The following DPP10 variants were observed in gnomAD, a reference collection of about 807,000 sequenced individuals.
The protein encoded by DPP10 is inactive dipeptidyl peptidase 10.
Under a neutral mutation model 120.9 loss-of-function variants are expected in DPP10, and 33 were observed. That is an observed-to-expected ratio of 0.27 (90% CI 0.21 to 0.37). DPP10 has a LOEUF of 0.37. Ranked by LOEUF, DPP10 falls within the 10% of genes least tolerant of loss-of-function variation. The probability of loss-of-function intolerance (pLI) is 1.00; values close to 1 mark genes in which losing one functional copy is unlikely to be tolerated. For missense variants in DPP10, 816 were observed against 942.8 expected (o/e 0.87, Z 1.76); for synonymous variants, 337 against 326.1 (o/e 1.03, Z -0.36).
rs1041723617 is a variant in DPP10 at position 114,765,284 on chromosome 2, A to T, written c.60+322446A>T. Among the ~76,000 whole-genome samples the T allele has an allele frequency of 9.2e-5, 14 of 152,338 alleles. 2 individuals are homozygous for T. The Middle Eastern group carries it at 0.027, about 296-fold the overall frequency. On this transcript the variant is annotated intron_variant, in intron 1 of 25. Transcript: ENST00000410059. ...GTTGGGGAATGCATATAAAAACTTG[A>T]TGTTAAACATACCATAGATTCACTC...
intron 5 of DPP10, among the ~76,000 whole-genome samples, chr2:115,619,740 A>G (rs1327062866): frequency 6.6e-6 from 1 of 152,110 alleles, no homozygotes; most frequent in Non-Finnish European, 1.5e-5. Context: ...TTCTATCACA[A>G]CACCTATTAT....
chr2:115,468,582 G>T, intron 3 of DPP10: 1 of 396,414 alleles, frequency 2.5e-6, no homozygotes, highest in Non-Finnish European at 4.9e-6. Flanking sequence ...GTTGATGGTG[G>T]CCCGGGGAGT....
At chr2:114,834,176 C>T (rs1279436471) in intron 1 of DPP10, 5 of 138,208 alleles carry the variant, frequency 3.6e-5, no homozygotes, top group Admixed American at 2.2e-4. Context: ...TAAGCCATAT[C>T]TACACACCTA....
intron 1 of DPP10, among the ~76,000 whole-genome samples, chr2:115,221,456 G>A (rs1173828781): frequency 6.6e-6 from 1 of 152,084 alleles, no homozygotes; most frequent in Non-Finnish European, 1.5e-5. Context: ...AGTTAAGGAT[G>A]GTTTCTGCAC....
chr2:115,033,224 G>A (rs1703969164), intron 1 of DPP10, among the ~76,000 whole-genome samples: 1 of 152,192 alleles, frequency 6.6e-6, no homozygotes, highest in African/African-American at 2.4e-5. Context: ...CAGTTGAATA[G>A]TGGGAGAGTG....
rs185729455 is a variant in DPP10, at chr2:114,835,408, C to T, written c.60+392570C>T. On this transcript the variant is annotated intron_variant, in intron 1 of 25. Transcript: ENST00000410059. The stretch of plus-strand genomic sequence containing the variant: ...TTATATATAAGCCATATTTACACAC[C>T]TATGTATATATAAGACATATCTACA... 618 of 152,084 alleles carry T rather than the reference C, an allele frequency of 4.1e-3. 6 individuals carry two copies. The highest frequency in any genetic ancestry group is 0.014 in the African/African-American group (591 of 41,474). 9.4% of individuals were successfully genotyped at this position (152,084 alleles called of 1,614,324 possible).
chr2:115,179,562 C>G (rs2053937446), intron 1 of DPP10, among the ~76,000 whole-genome samples: 1 of 151,984 alleles, frequency 6.6e-6, no homozygotes. Context: ...AGCAAACCAC[C>G]CTCTCAGTGA....
chr2:114,560,027 C>A (rs546241756), intron 1 of DPP10, among the ~76,000 whole-genome samples: 43 of 152,106 alleles, frequency 2.8e-4, no homozygotes, highest in Non-Finnish European at 2.6e-4. Flanking sequence ...ATGCCATATG[C>A]AAATGCTGTA....
chr2:114,522,389 CA>C (rs1461291946), intron 1 of DPP10, among the ~76,000 whole-genome samples: 3 of 151,746 alleles, frequency 2.0e-5, no homozygotes, highest in East Asian at 3.9e-4. Flanking sequence ...AACAAACAAA[CA>C]AAAAAACCAG....
chr2:115,772,999 A>G (rs2149831111), intron 13 of DPP10, among the ~76,000 whole-genome samples: 1 of 152,234 alleles, frequency 6.6e-6, no homozygotes, highest in East Asian at 1.9e-4. Context: ...ACTTGGAACG[A>G]TTTTAAGTGG....
At position 114,801,030 on chromosome 2, in the gene DPP10, G is replaced by A. The variant is rs563975288; in HGVS notation, c.60+358192G>A. On this transcript the variant is annotated intron_variant, in intron 1 of 25. Transcript: ENST00000410059. ...TGTAATCCCAGCACTTTGGGAGGCC[G>A]AGGAGGGCAGATCACGAGGTCAGGA... is the stretch of plus-strand genomic sequence containing the variant. Among the ~76,000 whole-genome samples the A allele has an allele frequency of 2.5e-4, 38 of 152,070 alleles. No individual in the cohort carries two copies. The East Asian group carries it at 2.7e-3, about 11-fold the overall frequency.
At chr2:115,116,996 A>G (rs528168171) in intron 1 of DPP10, among the ~76,000 whole-genome samples, 1 of 152,298 alleles carries the variant, frequency 6.6e-6, no homozygotes, top group African/African-American at 2.4e-5. Context: ...CATTTGCTGT[A>G]TCTTTTTATT....
In DPP10 at chr2:115,423,657, T is replaced by A. The variant is rs1029673622; in HGVS notation, c.272-75853T>A. Among the ~76,000 whole-genome samples the A allele has an allele frequency of 6.6e-5, 10 of 152,214 alleles. No homozygotes were observed. In the East Asian group the frequency reaches 7.7e-4, roughly 12 times the overall value. ...AAAATTTTTACTTAGACCCTGGACATCATAGATTATAAAAGGAGCATTTAA... is the reference window on the plus strand; with the variant it reads ...AAAATTTTTACTTAGACCCTGGACAACATAGATTATAAAAGGAGCATTTAA... On this transcript the variant is annotated intron_variant, in intron 3 of 25. Transcript: ENST00000410059.
At chr2:115,510,050 C>A (rs962416119) in intron 4 of DPP10, among the ~76,000 whole-genome samples, 2 of 152,024 alleles carry the variant, frequency 1.3e-5, no homozygotes, top group Admixed American at 6.6e-5. Context: ...TTTTATTGAG[C>A]TCTTTTCAAT....
At chr2:115,542,458 C>T (rs2079231078) in intron 5 of DPP10, among the ~76,000 whole-genome samples, 1 of 151,696 alleles carries the variant, frequency 6.6e-6, no homozygotes, top group South Asian at 2.1e-4. Context: ...ACATGTAAAG[C>T]AAAAAGGAAG....
At chr2:115,369,637 T>C (rs1027827524) in intron 3 of DPP10, among the ~76,000 whole-genome samples, 1 of 152,042 alleles carries the variant, frequency 6.6e-6, no homozygotes, top group African/African-American at 2.4e-5. Flanking sequence ...AGCGGAAAGA[T>C]GGACTTTCTG....
chr2:115,447,360 T>C (rs1431075517), intron 3 of DPP10, among the ~76,000 whole-genome samples: 1 of 152,212 alleles, frequency 6.6e-6, no homozygotes, highest in African/African-American at 2.4e-5. Context: ...GATGAGACTT[T>C]GGATTTCAGA....
intron 11 of DPP10, among the ~76,000 whole-genome samples, chr2:115,755,238 C>T (rs1455357587): frequency 6.6e-6 from 1 of 151,876 alleles, no homozygotes; most frequent in African/African-American, 2.4e-5. Flanking sequence ...AGAATAGCTC[C>T]AATAAATAAA....
rs573563328 is a variant in DPP10, at chr2:115,501,697, C to T, written c.366+2093C>T. Among the ~76,000 whole-genome samples the T allele has an allele frequency of 3.6e-4, 55 of 152,076 alleles. 1 individual carries two copies. In the South Asian group the frequency reaches 0.011, roughly 31 times the overall value. On this transcript the variant is annotated intron_variant, in intron 4 of 25. Transcript: ENST00000410059. ...GTGGAAGGTGGCATCAGTTTGCAACCAGTTACCCAAAACTGAGAACAAAAA... is the reference window on the plus strand; with the variant it reads ...GTGGAAGGTGGCATCAGTTTGCAACTAGTTACCCAAAACTGAGAACAAAAA...
Sources: allele counts gnomAD v4.1 joint callset (sites outside exome capture counted in the v4.1 genomes callset), GRCh38; gene constraint gnomAD v4.1.1; transcripts MANE v1.5; gene names NCBI Gene and HGNC (gene_info 2026-07-23, HGNC 2026-07-21).